Variants in RBL2 observed in about 807,000 individuals in gnomAD.
The protein encoded by RBL2 is RB transcriptional corepressor like 2, also known as retinoblastoma-like protein 2.
Under a neutral mutation model 126.0 loss-of-function variants are expected in RBL2, and 56 were observed. That is an observed-to-expected ratio of 0.44 (90% CI 0.36 to 0.56). The LOEUF (loss-of-function observed/expected upper bound fraction) is 0.56, where lower values mean the gene tolerates loss of function less well. Ranked by LOEUF, RBL2 falls within the 20% of genes least tolerant of loss-of-function variation. RBL2 has a pLI of 0.00. For synonymous variants in RBL2, 454 were observed against 478.5 expected (o/e 0.95, Z 0.67); for missense variants, 1,229 against 1,398.2 (o/e 0.88, Z 1.93).
Position 53,464,281 on chromosome 16 carries a change from T to G in RBL2, c.1616T>G (p.Val539Gly). 1 of 1,602,446 alleles carries G rather than the reference T, an allele frequency of 6.2e-7. No individual in the cohort carries two copies. Among genetic ancestry groups the G allele is most frequent in the South Asian group, 1.1e-5 (1 of 90,668 alleles). The change falls in exon 12 of 22, where the codon GTC becomes GGC. Residue 539 changes from valine to glycine, a missense_variant. Physicochemically the swap from Val to Gly is moderately radical, Grantham distance 109. Around this residue, in one of 2 missense-constraint regions of RBL2, gnomAD observed 1,070 missense variants for 1,274.3 expected, o/e 0.84. Coordinates refer to ENST00000262133, the MANE Select transcript of RBL2 (RefSeq NM_005611.4). Reference sequence around the variant, plus strand: ...TCTCTCTTGGCCTGCTGCCTTGAGGTCGTCACTTTTTCTTATAAGCCTCCT... The same window carrying G: ...TCTCTCTTGGCCTGCTGCCTTGAGGGCGTCACTTTTTCTTATAAGCCTCCT... Reference protein sequence around the residue: ...HRSLLACCLEVVTFSYKPPGN... With the variant: ...HRSLLACCLEGVTFSYKPPGN...
At position 53,470,441 on chromosome 16, in the gene RBL2, G is replaced by A. The variant is rs770663966; in HGVS notation, c.2304G>A (p.Gly768=). The change falls in exon 16 of 22, where the codon GGG becomes GGA. Residue 768 remains glycine (G), a synonymous_variant. Transcript: ENST00000262133. ...TCCCTGTCCAAGTCAATGTTGGGGG[G>A]CAGGCACAAGCTGTGACAGGCTCCA... The part of the protein sequence containing the change: ...TFFPVQVNVG[G]QAQAVTGSIQ... 6 of 1,614,118 alleles carry A rather than the reference G, an allele frequency of 3.7e-6. No individual in the cohort carries two copies. The South Asian group carries it at 6.6e-5, about 18-fold the overall frequency.
At chr16:53,448,245 CTG>C (rs1298426308) in intron 4 of RBL2, among the ~76,000 whole-genome samples, 1 of 151,838 alleles carries the variant, frequency 6.6e-6, no homozygotes, top group East Asian at 2.0e-4. Context: ...GCAACCTCTG[CTG>C]CCCGGGTTCA....
At chr16:53,476,991 C>G (rs1426069874) in intron 17 of RBL2, among the ~76,000 whole-genome samples, 1 of 152,092 alleles carries the variant, frequency 6.6e-6, no homozygotes, top group Admixed American at 6.6e-5. Context: ...GCCTTTGCAG[C>G]TTTGCTTTTG....
chr16:53,482,765 G>A (rs534639380), intron 21 of RBL2, among the ~76,000 whole-genome samples: 2 of 150,030 alleles, frequency 1.3e-5, no homozygotes, highest in African/African-American at 4.9e-5. Flanking sequence ...AGCAGAGATC[G>A]CGCCATTGCA....
In RBL2 at chr16:53,469,935, A is replaced by G. The variant is rs1195466823; in HGVS notation, c.1995A>G (p.Thr665=). The G allele has an allele frequency of 1.9e-6, 3 of 1,585,186 alleles. No individual in the cohort carries two copies. Among genetic ancestry groups the G allele is most frequent in the Admixed American group, 1.7e-5 (1 of 57,292 alleles). ...CCCTAGGCATAACATCTCCAACCAC[A>G]TTATACGATAGGTACAGCTCCCCAC... ...GLGRSITSPT[T]LYDRYSSPPA... is the part of the protein sequence containing the mutation. The change falls in exon 15 of 22, where the codon ACA becomes ACG. Residue 665 remains threonine, a synonymous_variant. Transcript: ENST00000262133.
At chr16:53,455,584 A>C (rs1305813476) in intron 8 of RBL2, among the ~76,000 whole-genome samples, 1 of 152,212 alleles carries the variant, frequency 6.6e-6, no homozygotes, top group Non-Finnish European at 1.5e-5. Context: ...GGAGATAAAC[A>C]AGTAAATATA....
At chr16:53,464,385 T>A (rs780104242) in intron 12 of RBL2, 22 bp downstream of exon 12, 8 of 1,537,300 alleles carry the variant, frequency 5.2e-6, no homozygotes, top group Non-Finnish European at 7.2e-6. Flanking sequence ...AATATGATAC[T>A]AATGGGGATA....
intron 17 of RBL2, among the ~76,000 whole-genome samples, chr16:53,473,771 G>A (rs184303904): frequency 1.0e-3 from 159 of 151,638 alleles, no homozygotes; most frequent in Non-Finnish European, 1.0e-3. Flanking sequence ...TAGTAGTTAT[G>A]GTTTTTTTCA....
At position 53,461,618 on chromosome 16, in the gene RBL2, G is replaced by T. The variant is rs1315186076; in HGVS notation, c.1347-123G>T. 12 of 549,220 alleles carry T rather than the reference G, an allele frequency of 2.2e-5. No homozygotes were observed. The East Asian group carries it at 4.1e-4, about 19-fold the overall frequency. The allele number at this position is 549,220 out of a possible 1,614,324, so 34.0% of individuals were successfully genotyped here. A position where few individuals can be genotyped will look rare whatever the true frequency, so the allele number is the denominator to read the frequency against. On this transcript the variant is annotated intron_variant, in intron 9 of 21. Transcript: ENST00000262133. ...TATGGGATCTCTTGGATTAATTTGG[G>T]AAGTGTATAGTTTCTGTTCAGAGTG...
chr16:53,481,883 G>T, intron 21 of RBL2, 48 bp downstream of exon 21: 1 of 1,525,172 alleles, frequency 6.6e-7, no homozygotes, highest in African/African-American at 1.4e-5. Flanking sequence ...AAATGCTTCA[G>T]ATGCTAGAAA....
intron 7 of RBL2, 75 bp from the exon 8 acceptor site, chr16:53,454,581 A>G (rs2058148489): frequency 7.7e-7 from 1 of 1,305,400 alleles, no homozygotes; most frequent in African/African-American, 1.5e-5. Flanking sequence ...TTTAGTAAAT[A>G]AAAAAATGAA....
At position 53,439,154 on chromosome 16, in the gene RBL2, T is replaced by C; in HGVS notation, c.371+8T>C. ...GAAATGTTCAGAGCAGAGGTAACTA[T>C]GTTAGAGTTTGACAAGTAGAGTATG... On this transcript the variant is annotated splice_region_variant and intron_variant, in intron 2 of 21. Transcript: ENST00000262133. 6.4e-7 allele frequency: 1 copy of C among 1,574,728 alleles called. No individual in the cohort carries two copies. The highest frequency in any genetic ancestry group is 8.6e-7 in the Non-Finnish European group (1 of 1,163,476).
At chr16:53,448,242 C>G (rs1468390873) in intron 4 of RBL2, among the ~76,000 whole-genome samples, 1 of 151,904 alleles carries the variant, frequency 6.6e-6, no homozygotes, top group Non-Finnish European at 1.5e-5. Flanking sequence ...ACTGCAACCT[C>G]TGCTGCCCGG....
intron 21 of RBL2, among the ~76,000 whole-genome samples, chr16:53,484,014 C>T (rs1481529372): frequency 6.6e-6 from 1 of 150,550 alleles, no homozygotes; most frequent in Non-Finnish European, 1.5e-5. Context: ...TGAAGACATA[C>T]CAGCGATTCT....
At chr16:53,448,258 A>T (rs1425781198) in intron 4 of RBL2, among the ~76,000 whole-genome samples, 2 of 151,166 alleles carry the variant, frequency 1.3e-5, no homozygotes, top group Non-Finnish European at 3.0e-5. Flanking sequence ...CCCGGGTTCA[A>T]GCAATCTCCT....
Position 53,491,215 on chromosome 16 carries a change from T to C in RBL2, c.*915T>C, listed in dbSNP as rs1961424834. 6.6e-6 allele frequency: 1 copy of C among 152,218 alleles called. No individual in the cohort carries two copies. Among genetic ancestry groups the C allele is most frequent in the Non-Finnish European group, 1.5e-5 (1 of 68,036 alleles). 9.4% of individuals were successfully genotyped at this position (152,218 alleles called of 1,614,324 possible). A position where few individuals can be genotyped will look rare whatever the true frequency, so the allele number is the denominator to read the frequency against. ...GGGATTAATATGAAAACTTATGACC[T>C]CTTCCTTTAGGAGGGAGTTATCTAA... On this transcript the variant is annotated 3_prime_UTR_variant, in exon 22 of 22. Coordinates refer to ENST00000262133, the MANE Select transcript of RBL2 (RefSeq NM_005611.4).
chr16:53,443,256 A>T (rs531256652), intron 3 of RBL2: 5 of 153,116 alleles, frequency 3.3e-5, no homozygotes, highest in African/African-American at 1.2e-4. Flanking sequence ...CTGGATATAT[A>T]TATTTTTTAT....
intron 17 of RBL2, among the ~76,000 whole-genome samples, chr16:53,475,762 A>G (rs1394728394): frequency 6.7e-6 from 1 of 150,206 alleles, no homozygotes; most frequent in Non-Finnish European, 1.5e-5. Context: ...ATTTCTCTTA[A>G]TATCTTTTTT....
At chr16:53,459,824 G>A (rs1367759418) in intron 9 of RBL2, among the ~76,000 whole-genome samples, 1 of 149,124 alleles carries the variant, frequency 6.7e-6, no homozygotes, top group Non-Finnish European at 1.5e-5. Context: ...TATAATACAA[G>A]ACACAGTAAC....
Sources: gnomAD v4.1 joint callset for allele counts (sites outside exome capture counted in the v4.1 genomes callset) on GRCh38, gnomAD v4.1.1 for gene constraint, gnomAD v4.1.1 regional missense constraint, MANE v1.5 for transcripts, NCBI Gene and HGNC (gene_info 2026-07-23, HGNC 2026-07-21) for gene names.